The following LMTK2 variants were observed in gnomAD, a reference collection of about 807,000 sequenced individuals.
LMTK2 encodes lemur tail kinase 2.
LMTK2 carries 37 observed loss-of-function variants against 127.5 expected under a neutral mutation model. That is an observed-to-expected ratio of 0.29 (90% confidence interval 0.22 to 0.38). LMTK2 has a LOEUF of 0.38. LMTK2 is among the 10% of genes least tolerant of loss of function. LMTK2 has a pLI of 1.00. For synonymous variants in LMTK2, 819 were observed against 810.1 expected (o/e 1.01, Z -0.19); for missense variants, 1,694 against 1,920.3 (o/e 0.88, Z 2.20).
rs151208928 is a variant in LMTK2, at chr7:98,171,798, A to G, written c.791+124A>G. 1.5e-3 allele frequency: 1,607 copies of G among 1,091,124 alleles called. 20 individuals carry two copies. In the African/African-American group the frequency reaches 0.023, roughly 15 times the overall value. 67.6% of individuals were successfully genotyped at this position (1,091,124 alleles called of 1,614,324 possible). A position where few individuals can be genotyped will look rare whatever the true frequency, so the allele number is the denominator to read the frequency against. The stretch of plus-strand genomic sequence containing the variant: ...CAGAATGAACCCAGCTCATGTAGGT[A>G]GAAGCGATCTCGTTCTTACCCATGT... On this transcript the variant is annotated intron_variant, in intron 7 of 13. Transcript: ENST00000297293. The surrounding 1 kb of genome is among the most constrained non-coding windows in gnomAD (Gnocchi z 5.1).
chr7:98,186,861 C>T lies in LMTK2; in HGVS notation c.877-16C>T, dbSNP rs372613828. On this transcript the variant is annotated splice_polypyrimidine_tract_variant and intron_variant, in intron 8 of 13. Coordinates refer to ENST00000297293, the MANE Select transcript of LMTK2 (RefSeq NM_014916.4). ...ATAATTCTATTCAAAATTCTGTGTGCTTTCTAACAAAACAGGAGGATTATA... is the reference window on the plus strand; with the variant it reads ...ATAATTCTATTCAAAATTCTGTGTGTTTTCTAACAAAACAGGAGGATTATA... The T allele has an allele frequency of 6.8e-6, 11 of 1,606,850 alleles. No homozygotes were observed. In the African/African-American group the frequency reaches 1.1e-4, roughly 16 times the overall value.
intron 1 of LMTK2, among the ~76,000 whole-genome samples, chr7:98,113,858 G>A (rs950269552): frequency 5.3e-5 from 8 of 152,116 alleles, no homozygotes; most frequent in Non-Finnish European, 1.0e-4. Context: ...TGGCTAATTC[G>A]GAGCCCTGCC....
rs1797836825 is a variant in LMTK2, at chr7:98,208,100, C to A, written c.*2608C>A. Reference sequence around the variant, plus strand: ...TACTCTAGCCTGGGTAACAGCCAGACCCTGTCTCAAAAAAAAAAACAATTT... The same window carrying A: ...TACTCTAGCCTGGGTAACAGCCAGAACCTGTCTCAAAAAAAAAAACAATTT... On this transcript the variant is annotated 3_prime_UTR_variant, in exon 14 of 14. Transcript: ENST00000297293. 1 of 151,312 alleles carries A rather than the reference C, an allele frequency of 6.6e-6. No individual in the cohort carries two copies. The highest frequency in any genetic ancestry group is 1.5e-5 in the Non-Finnish European group (1 of 67,882). The allele number at this position is 151,312 out of a possible 1,614,324, so 9.4% of individuals were successfully genotyped here.
At chr7:98,127,922 C>T (rs1796467098) in intron 1 of LMTK2, among the ~76,000 whole-genome samples, 1 of 152,180 alleles carries the variant, frequency 6.6e-6, no homozygotes, top group Admixed American at 6.6e-5. Flanking sequence ...GTGGGTGGAT[C>T]ACCTAAGATC....
chr7:98,152,370 A>G (rs1796871816), intron 4 of LMTK2, among the ~76,000 whole-genome samples: 1 of 152,230 alleles, frequency 6.6e-6, no homozygotes, highest in Admixed American at 6.5e-5. Flanking sequence ...TGCACTTCCC[A>G]GTAGTCAGCC....
At chr7:98,108,430 A>G (rs1413918258) in intron 1 of LMTK2, among the ~76,000 whole-genome samples, 2 of 152,236 alleles carry the variant, frequency 1.3e-5, no homozygotes, top group Non-Finnish European at 2.9e-5. Context: ...TGAAAGCTAC[A>G]TGTAATTGCT....
Position 98,207,723 on chromosome 7 carries a change from T to TGTC in LMTK2, c.*2238_*2240dup, listed in dbSNP as rs1255843653. ...CCAAAGTCATACAGATCATGGAATC[T>TGTC]GTCGTCGTCTTATACAGTGTCAGCC... On this transcript the variant is annotated 3_prime_UTR_variant, in exon 14 of 14. Transcript: ENST00000297293. 3.3e-5 allele frequency: 5 copies of TGTC among 152,200 alleles called. No homozygotes were observed. The East Asian group carries it at 5.8e-4, about 18-fold the overall frequency. The allele number at this position is 152,200 out of a possible 1,614,324, so 9.4% of individuals were successfully genotyped here.
chr7:98,193,192 C>T lies in LMTK2; in HGVS notation c.2727C>T (p.Ala909=), dbSNP rs894690800. The T allele has an allele frequency of 3.7e-6, 6 of 1,613,596 alleles. No homozygotes were observed. Among genetic ancestry groups the T allele is most frequent in the Non-Finnish European group, 5.1e-6 (6 of 1,179,984 alleles). ...CTGTTCTTGCTGATGACATCCTTGC[C>T]AGCAGGGTGAGTGTAGGGAGTAGTC... ...SDSVLADDIL[A]SRVSVGSSLP... The change falls in exon 11 of 14, where the codon GCC becomes GCT. Residue 909 remains alanine, a synonymous_variant. Transcript: ENST00000297293. The surrounding 1 kb of genome is among the most constrained non-coding windows in gnomAD (Gnocchi z 4.1).
chr7:98,156,950 G>A (rs184011389), intron 5 of LMTK2, among the ~76,000 whole-genome samples: 9 of 152,284 alleles, frequency 5.9e-5, no homozygotes, highest in African/African-American at 2.2e-4. Context: ...CAAGTCCACC[G>A]ATTTAAATAG....
chr7:98,162,610 G>T (rs775626808), intron 6 of LMTK2, among the ~76,000 whole-genome samples: 4 of 152,138 alleles, frequency 2.6e-5, no homozygotes, highest in African/African-American at 9.7e-5. Context: ...AGCTCTGGTC[G>T]CCATCAAAAG....
chr7:98,169,092 T>C (rs1191678674), intron 6 of LMTK2, among the ~76,000 whole-genome samples: 2 of 152,182 alleles, frequency 1.3e-5, no homozygotes, highest in African/African-American at 2.4e-5. Context: ...ATTTTTTCTT[T>C]TAAACTGTGG....
In LMTK2 at chr7:98,203,963, T is replaced by G. The variant is rs1160697413; in HGVS notation, c.4260T>G (p.Asp1420Glu). 1 of 1,614,074 alleles carries G rather than the reference T, an allele frequency of 6.2e-7. No individual in the cohort carries two copies. ...TTCTAGGTGGTGGCTTTGAGTGGGA[T>G]GATGACTTCTCCCCAGATCCTTTTA... ...TDEEGGGFEW[D>E]DDFSPDPFMS... The change falls in exon 13 of 14, where the codon GAT (aspartate) becomes GAG (glutamate). Residue 1420 changes from aspartate (D) to glutamate (E), a missense_variant. This residue lies in a region of LMTK2 where 554 missense variants were observed against 567.7 expected (regional missense o/e 0.98). Coordinates refer to ENST00000297293, the MANE Select transcript of LMTK2 (RefSeq NM_014916.4).
chr7:98,203,823 T>G (rs1797744979), intron 12 of LMTK2, 117 bp downstream of exon 12: 2 of 1,567,280 alleles, frequency 1.3e-6, no homozygotes, highest in African/African-American at 2.7e-5. Context: ...GGCACAGAAC[T>G]GCCATCTGCC....
In LMTK2 at chr7:98,194,503, C is replaced by T; in HGVS notation, c.4038C>T (p.Pro1346=). The T allele has an allele frequency of 4.3e-6, 7 of 1,613,476 alleles. No homozygotes were observed. The highest frequency in any genetic ancestry group is 1.1e-5 in the South Asian group (1 of 91,082). The change falls in exon 11 of 14, where the codon CCC becomes CCT. Residue 1346 remains proline (P), a synonymous_variant. Transcript: ENST00000297293. The surrounding 1 kb of genome is among the most constrained non-coding windows in gnomAD (Gnocchi z 5.4). ...CGGCCAATGCCCCCGACCCACTGCC[C>T]GAGGACTGGAAGAAGGAAAAGAAGG... ...PTAANAPDPL[P]EDWKKEKKAV...
chr7:98,198,766 C>T (rs2116476934), intron 11 of LMTK2, among the ~76,000 whole-genome samples: 1 of 152,280 alleles, frequency 6.6e-6, no homozygotes, highest in East Asian at 1.9e-4. Flanking sequence ...TAGACGTGAG[C>T]CACTGCACCT....
chr7:98,201,444 A>T (rs1483422314), intron 11 of LMTK2, among the ~76,000 whole-genome samples: 1 of 152,168 alleles, frequency 6.6e-6, no homozygotes, highest in Non-Finnish European at 1.5e-5. Flanking sequence ...AGCGCTCAAA[A>T]GGTTTTGGAT....
chr7:98,140,879 C>G (rs1243358315), intron 2 of LMTK2, among the ~76,000 whole-genome samples: 4 of 136,118 alleles, frequency 2.9e-5, no homozygotes, highest in African/African-American at 1.3e-4. Context: ...GAGACTCTGC[C>G]TCTACAAAAA....
intron 1 of LMTK2, among the ~76,000 whole-genome samples, chr7:98,107,940 C>T (rs1404879754): frequency 6.6e-6 from 1 of 152,042 alleles, no homozygotes; most frequent in Non-Finnish European, 1.5e-5. Flanking sequence ...TTTTCTCCCC[C>T]CCCGCCCATT....
intron 9 of LMTK2, among the ~76,000 whole-genome samples, chr7:98,190,379 T>G (rs1462129950): frequency 2.0e-5 from 3 of 152,186 alleles, no homozygotes; most frequent in Admixed American, 6.5e-5. Context: ...GTCAGGACTT[T>G]GAGAGCAGCC....
Sources: gnomAD v4.1 joint callset for allele counts (sites outside exome capture counted in the v4.1 genomes callset) on GRCh38, gnomAD v4.1.1 for gene constraint, gnomAD v4.1.1 regional missense constraint, Gnocchi (gnomAD v3.1) non-coding constraint, MANE v1.5 for transcripts, NCBI Gene and HGNC (gene_info 2026-07-23, HGNC 2026-07-21) for gene names.